The following KIFBP variants were observed in gnomAD, a reference collection of about 807,000 sequenced individuals.
KIFBP encodes kinesin family binding protein.
A neutral mutation model predicts 58.9 loss-of-function variants in KIFBP; 46 were observed. That is an observed-to-expected ratio of 0.78 (90% CI 0.62 to 1.00). The LOEUF is 1.00. Ranked by LOEUF, KIFBP falls within the 50% of genes least tolerant of loss-of-function variation. The pLI, the probability that KIFBP is intolerant of heterozygous loss-of-function variation, is 0.00. For missense variants in KIFBP, 651 were observed against 752.9 expected, an observed-to-expected ratio of 0.86 and a Z score of 1.58; for synonymous variants, 241 against 283.4, an observed-to-expected ratio of 0.85 and a Z score of 1.50.
At chr10:69,014,392 A>C (rs2260294) in intron 6 of KIFBP, among the ~76,000 whole-genome samples, 6 of 151,996 alleles carry the variant, frequency 3.9e-5, no homozygotes, top group African/African-American at 1.2e-4. Context: ...AGCTGAAGCA[A>C]CATGTTTAGA....
At chr10:68,991,621 G>A (rs1843347844) in intron 1 of KIFBP, 1 of 322,886 alleles carries the variant, frequency 3.1e-6, no homozygotes, top group Non-Finnish European at 6.6e-6. Context: ...AGGCTCCTTG[G>A]TCTACCTTGA....
chr10:69,005,580 G>T (rs1843525658), intron 3 of KIFBP, 152 bp from the exon 4 acceptor site: 2 of 620,162 alleles, frequency 3.2e-6, no homozygotes, highest in South Asian at 1.9e-5. Flanking sequence ...GGAGGCTGAG[G>T]CAGGAGAATT....
chr10:68,996,406 C>T (rs1444252672), intron 1 of KIFBP, among the ~76,000 whole-genome samples: 1 of 151,728 alleles, frequency 6.6e-6, no homozygotes, highest in Non-Finnish European at 1.5e-5. Context: ...ACTAAAAATA[C>T]AAAAATTAGC....
chr10:69,001,208 A>G (rs2132111126), intron 2 of KIFBP, among the ~76,000 whole-genome samples: 1 of 152,026 alleles, frequency 6.6e-6, no homozygotes, highest in South Asian at 2.1e-4. Context: ...GGTTAGAAGG[A>G]CCCAGAGCCC....
intron 1 of KIFBP, among the ~76,000 whole-genome samples, 158 bp from the exon 2 acceptor site, chr10:69,000,266 C>G (rs1843451997): frequency 6.6e-6 from 1 of 152,180 alleles, no homozygotes; most frequent in Non-Finnish European, 1.5e-5. Context: ...CAGCTACCTG[C>G]TGCACTACAT....
At position 68,989,276 on chromosome 10, in the gene KIFBP, C is replaced by G; in HGVS notation, c.426+18C>G. On this transcript the variant is annotated intron_variant, in intron 1 of 6. Coordinates refer to ENST00000361983, the MANE Select transcript of KIFBP (RefSeq NM_015634.4). Reference sequence around the variant, plus strand: ...AGGCGCAGGTGAGAGCGAGCCCGGCCAGGCCGGCCCCTGTTGGCAAATGGC... The same window carrying G: ...AGGCGCAGGTGAGAGCGAGCCCGGCGAGGCCGGCCCCTGTTGGCAAATGGC... 6.2e-7 allele frequency: 1 copy of G among 1,610,988 alleles called. No homozygotes were observed. The highest frequency in any genetic ancestry group is 8.5e-7 in the Non-Finnish European group (1 of 1,179,500).
At chr10:68,999,139 C>T (rs983256981) in intron 1 of KIFBP, among the ~76,000 whole-genome samples, 6 of 150,848 alleles carry the variant, frequency 4.0e-5, no homozygotes, top group Admixed American at 1.3e-4. Context: ...GCTCCATCAC[C>T]CAGGTAGGAG....
intron 1 of KIFBP, among the ~76,000 whole-genome samples, chr10:68,997,640 T>C (rs1445674088): frequency 6.6e-6 from 1 of 152,032 alleles, no homozygotes; most frequent in Admixed American, 6.6e-5. Flanking sequence ...AATGAACTAA[T>C]AGAAAGGGCT....
Position 69,015,807 on chromosome 10 carries a change from T to C in KIFBP, c.1257T>C (p.His419=), listed in dbSNP as rs1838992949. 1.2e-6 allele frequency: 2 copies of C among 1,614,090 alleles called. No homozygotes were observed. The highest frequency in any genetic ancestry group is 2.2e-5 in the South Asian group (2 of 91,082). The change falls in exon 7 of 7, where the codon CAT becomes CAC. Residue 419 remains histidine, a synonymous_variant. Coordinates refer to ENST00000361983, the MANE Select transcript of KIFBP (RefSeq NM_015634.4). ...AGATTGATGGTTATGTCACTGACCA[T>C]ATTGAAGTTGTCCAAGACCACAGTG... ...FFQIDGYVTD[H]IEVVQDHSAL...
intron 4 of KIFBP, 137 bp from the exon 5 acceptor site, chr10:69,008,704 G>A (rs1843562368): frequency 4.1e-6 from 3 of 738,736 alleles, no homozygotes; most frequent in South Asian, 2.8e-5. Flanking sequence ...TGAATGATCT[G>A]CAACTCTACA....
chr10:69,011,692 T>TC (rs1406311824), intron 6 of KIFBP, among the ~76,000 whole-genome samples: 181 of 128,396 alleles, frequency 1.4e-3, no homozygotes, highest in Non-Finnish European at 2.5e-3. Flanking sequence ...TCTTTTTTTT[T>TC]TTTTTTTTTT....
intron 6 of KIFBP, among the ~76,000 whole-genome samples, chr10:69,014,157 GTATT>G (rs1490260845): frequency 2.6e-5 from 4 of 152,176 alleles, no homozygotes; most frequent in South Asian, 2.1e-4. Flanking sequence ...ATTCAATTAA[GTATT>G]TATTTATGCC....
intron 6 of KIFBP, among the ~76,000 whole-genome samples, chr10:69,011,873 T>C (rs1843598131): frequency 6.6e-6 from 1 of 151,220 alleles, no homozygotes; most frequent in South Asian, 2.1e-4. Context: ...GTCTTTTTAG[T>C]GTAGATGGGG....
intron 4 of KIFBP, among the ~76,000 whole-genome samples, chr10:69,006,395 G>T (rs1843536893): frequency 6.6e-6 from 1 of 152,152 alleles, no homozygotes; most frequent in Non-Finnish European, 1.5e-5. Context: ...AAATATGTCT[G>T]CTGAGTTCCA....
chr10:69,008,394 ATAT>A (rs1564637621), intron 4 of KIFBP, among the ~76,000 whole-genome samples: 52 of 84,432 alleles, frequency 6.2e-4, no homozygotes, highest in African/African-American at 2.6e-3. Flanking sequence ...AAAAAAAAAT[ATAT>A]ATATATATAT....
At position 69,016,808 on chromosome 10, in the gene KIFBP, G is replaced by C; in HGVS notation, c.*392G>C. 1 of 162,118 alleles carries C rather than the reference G, an allele frequency of 6.2e-6. No individual in the cohort carries two copies. Among genetic ancestry groups the C allele is most frequent in the Non-Finnish European group, 1.3e-5 (1 of 74,390 alleles). The allele number at this position is 162,118 out of a possible 1,614,324, so 10.0% of individuals were successfully genotyped here. On this transcript the variant is annotated 3_prime_UTR_variant, in exon 7 of 7. Transcript: ENST00000361983. ...TAAGATTGAAAAAGTAACTTCTATAGTTACTCCTTCTAAAATATTTGACTT... is the reference window on the plus strand; with the variant it reads ...TAAGATTGAAAAAGTAACTTCTATACTTACTCCTTCTAAAATATTTGACTT...
In KIFBP at chr10:69,016,911, G is replaced by C. The variant is rs182981371; in HGVS notation, c.*495G>C. 6.5e-6 allele frequency: 1 copy of C among 153,736 alleles called. No individual in the cohort carries two copies. The highest frequency in any genetic ancestry group is 2.4e-5 in the African/African-American group (1 of 41,514). 9.5% of individuals were successfully genotyped at this position (153,736 alleles called of 1,614,324 possible). ...GTTATGTTATTATAAAGTGTAAAAT[G>C]GTTTGTCTTAATTATAGGAGAAAAA... On this transcript the variant is annotated 3_prime_UTR_variant, in exon 7 of 7. Coordinates refer to ENST00000361983, the MANE Select transcript of KIFBP (RefSeq NM_015634.4).
At chr10:69,008,391 A>AAAAAAAAAATATATATATATATATAT in intron 4 of KIFBP, among the ~76,000 whole-genome samples, 2 of 71,590 alleles carry the variant, frequency 2.8e-5, no homozygotes, top group African/African-American at 1.6e-4. Context: ...AAAAAAAAAA[A>AAAAAAAAAATATATATATATATATAT]ATATATATAT....
intron 2 of KIFBP, among the ~76,000 whole-genome samples, chr10:69,003,801 A>G (rs1843497906): frequency 6.6e-6 from 1 of 152,182 alleles, no homozygotes; most frequent in Admixed American, 6.5e-5. Flanking sequence ...AAAATCTCTC[A>G]TTTGATTTTT....
Sources: gnomAD v4.1 joint callset for allele counts (sites outside exome capture counted in the v4.1 genomes callset) on GRCh38, gnomAD v4.1.1 for gene constraint, MANE v1.5 for transcripts, NCBI Gene and HGNC (gene_info 2026-07-23, HGNC 2026-07-21) for gene names.